ZMYND8: variants seen among roughly 807,000 people sequenced by gnomAD.
ZMYND8 encodes MYND-type zinc finger-containing chromatin reader ZMYND8.
ZMYND8 carries 37 observed loss-of-function variants against 140.8 expected under a neutral mutation model. That is an observed-to-expected ratio of 0.26 (90% CI 0.20 to 0.35). The LOEUF (loss-of-function observed/expected upper bound fraction) is 0.35. Among genes scored for constraint, ZMYND8 ranks in the 10% least tolerant of loss-of-function variants. ZMYND8 has a pLI of 1.00. For synonymous variants in ZMYND8, 592 were observed against 597.1 expected (o/e 0.99, Z 0.12); for missense variants, 1,068 against 1,570.0 (o/e 0.68, Z 5.40).
chr20:47,228,302 G>T (rs1044572847), intron 17 of ZMYND8, among the ~76,000 whole-genome samples: 1 of 152,204 alleles, frequency 6.6e-6, no homozygotes, highest in East Asian at 1.9e-4. Context: ...GAAATTATCT[G>T]GTTCAAACGT....
chr20:47,351,959 G>A (rs2082818106), intron 1 of ZMYND8: 7 of 985,410 alleles, frequency 7.1e-6, no homozygotes, highest in Non-Finnish European at 8.4e-6. Flanking sequence ...CAATGACAGG[G>A]AGAGTTTGTG....
intron 4 of ZMYND8, 145 bp from the exon 5 acceptor site, chr20:47,294,924 C>G (rs1294133528): frequency 1.0e-5 from 7 of 699,512 alleles, no homozygotes; most frequent in Admixed American, 2.6e-5. Flanking sequence ...GCAAAGACTC[C>G]TGGAACAAAA....
chr20:47,234,147 C>A (rs1406837778), intron 16 of ZMYND8, among the ~76,000 whole-genome samples: 2 of 152,242 alleles, frequency 1.3e-5, no homozygotes, highest in Admixed American at 6.5e-5. Flanking sequence ...CTCCCAGGTT[C>A]AAGCAAGTCT....
At chr20:47,285,341 G>A (rs552453106) in intron 8 of ZMYND8, among the ~76,000 whole-genome samples, 2 of 152,364 alleles carry the variant, frequency 1.3e-5, no homozygotes, top group East Asian at 1.9e-4. Context: ...AGGTCAGCGA[G>A]TAAGTAAGCG....
intron 11 of ZMYND8, among the ~76,000 whole-genome samples, chr20:47,263,285 CAACAAT>C (rs1051816904): frequency 2.7e-4 from 38 of 141,510 alleles, no homozygotes; most frequent in African/African-American, 9.4e-4. Flanking sequence ...GCATCACTAA[CAACAAT>C]GACAGCCAAC....
At chr20:47,215,448 A>G (rs1176698113) in intron 21 of ZMYND8, among the ~76,000 whole-genome samples, 3 of 152,110 alleles carry the variant, frequency 2.0e-5, no homozygotes, top group African/African-American at 7.2e-5. Context: ...CAGAATAGAA[A>G]CTGTATCATA....
intron 12 of ZMYND8, among the ~76,000 whole-genome samples, chr20:47,256,201 C>G (rs2074701551): frequency 6.6e-6 from 1 of 152,048 alleles, no homozygotes; most frequent in Non-Finnish European, 1.5e-5. Flanking sequence ...CCTAGCTGGC[C>G]AGGCATGGTG....
intron 2 of ZMYND8, among the ~76,000 whole-genome samples, chr20:47,341,526 C>CAAAAAAAAAAAAAAAAAAAAAAAA (rs112093006): frequency 1.8e-5 from 1 of 56,308 alleles, no homozygotes; most frequent in African/African-American, 5.5e-5. Context: ...GACTCCATCT[C>CAAAAAAAAAAAAAAAAAAAAAAAA]AAAAAAAAAA....
intron 2 of ZMYND8, among the ~76,000 whole-genome samples, chr20:47,313,514 C>T (rs2079124295): frequency 2.0e-5 from 3 of 151,704 alleles, no homozygotes; most frequent in Non-Finnish European, 4.4e-5. Flanking sequence ...CCCAGCTACT[C>T]GGGAGGCTGA....
rs1165144787 is a variant in ZMYND8, at chr20:47,347,057, G to C, written c.85+799C>G. On this transcript the variant is annotated intron_variant, in intron 2 of 22. Transcript: ENST00000471951. ...TCTTCCTCCCTCCCCATAACCCCCA[G>C]TGCAAGGCTGTGTGTTCCAAGAAAG... 2.0e-5 allele frequency among the ~76,000 whole-genome samples: 3 copies of C among 152,304 alleles called. No homozygotes were observed. In the East Asian group the frequency reaches 5.8e-4, roughly 29 times the overall value.
In ZMYND8 at chr20:47,282,150, C is replaced by T; in HGVS notation, c.950G>A (p.Arg317Lys). Residue 317 changes from arginine to lysine, a missense_variant, in exon 10 of 23, where the codon AGG becomes AAG. Arg to Lys is a conservative substitution (Grantham distance 26, BLOSUM62 2). This residue lies in a region of ZMYND8 where 109 missense variants were observed against 314.9 expected (regional missense o/e 0.35). Transcript: ENST00000471951. ...GFPFWPAKAL[R>K]DKDGQVDARF... is the part of the protein sequence containing the mutation. ...GGCATCGACCTGCCCGTCTTTATCC[C>T]TTAGAGCTTTTGCAGGCCAGAATGG... The T allele has an allele frequency of 5.6e-6, 9 of 1,614,088 alleles. No homozygotes were observed. Among genetic ancestry groups the T allele is most frequent in the Non-Finnish European group, 7.6e-6 (9 of 1,179,996 alleles).
chr20:47,255,425 A>G (rs1218152958), intron 12 of ZMYND8, among the ~76,000 whole-genome samples: 1 of 151,510 alleles, frequency 6.6e-6, no homozygotes, highest in African/African-American at 2.4e-5. Flanking sequence ...AAAGAGAGAC[A>G]GGGCCGGGCG....
chr20:47,299,339 C>G (rs1272637604), intron 3 of ZMYND8, among the ~76,000 whole-genome samples: 1 of 152,128 alleles, frequency 6.6e-6, no homozygotes, highest in East Asian at 1.9e-4. Context: ...GATGATAATG[C>G]CTAACACTTC....
chr20:47,310,730 G>A (rs1230068763), intron 2 of ZMYND8, among the ~76,000 whole-genome samples: 1 of 149,348 alleles, frequency 6.7e-6, no homozygotes, highest in Non-Finnish European at 1.5e-5. Context: ...AGATTTCAGT[G>A]AGCCGAGATT....
chr20:47,280,837 T>C (rs943039090), intron 10 of ZMYND8, among the ~76,000 whole-genome samples: 1 of 152,112 alleles, frequency 6.6e-6, no homozygotes, highest in Admixed American at 6.6e-5. Context: ...TCCCCGACCC[T>C]GTTTAAACCC....
chr20:47,286,016 C>G (rs1435948329), intron 8 of ZMYND8, among the ~76,000 whole-genome samples: 2 of 150,668 alleles, frequency 1.3e-5, no homozygotes, highest in African/African-American at 5.0e-5. Flanking sequence ...CATGGCAAAA[C>G]CCCATTTCTA....
At chr20:47,342,150 C>T (rs1273667814) in intron 2 of ZMYND8, among the ~76,000 whole-genome samples, 1 of 151,020 alleles carries the variant, frequency 6.6e-6, no homozygotes, top group African/African-American at 2.4e-5. Flanking sequence ...CCAGCCTGGG[C>T]AACAGAGGGA....
At chr20:47,230,349 G>C (rs562557572) in intron 16 of ZMYND8, among the ~76,000 whole-genome samples, 1 of 151,552 alleles carries the variant, frequency 6.6e-6, no homozygotes, top group Non-Finnish European at 1.5e-5. Context: ...TGGAGTGCAG[G>C]GGCGTGATCT....
chr20:47,324,354 T>TA (rs908341131), intron 2 of ZMYND8, among the ~76,000 whole-genome samples: 26 of 150,560 alleles, frequency 1.7e-4, no homozygotes, highest in Non-Finnish European at 3.5e-4. Context: ...CCATCTCTAC[T>TA]AAAAAATACA....
Sources: gnomAD v4.1 joint callset for allele counts (sites outside exome capture counted in the v4.1 genomes callset) on GRCh38, gnomAD v4.1.1 for gene constraint, gnomAD v4.1.1 regional missense constraint, MANE v1.5 for transcripts, NCBI Gene and HGNC (gene_info 2026-07-23, HGNC 2026-07-21) for gene names.